PLPPR1: variants seen among roughly 807,000 people sequenced by gnomAD.
PLPPR1 encodes phospholipid phosphatase related 1.
A neutral mutation model predicts 33.1 loss-of-function variants in PLPPR1; 10 were observed. That is an observed-to-expected ratio of 0.30 (90% confidence interval 0.19 to 0.51). The LOEUF is 0.51. Ranked by LOEUF, PLPPR1 falls within the 20% of genes least tolerant of loss-of-function variation. The pLI, the probability that PLPPR1 is intolerant of heterozygous loss-of-function variation, is 0.97. For synonymous variants in PLPPR1, 151 were observed against 151.0 expected (o/e 1.00, Z 0.00); for missense variants, 304 against 408.1 (o/e 0.74, Z 2.20).
chr9:101,122,014 T>C (rs1564150659), intron 1 of PLPPR1, among the ~76,000 whole-genome samples: 1 of 152,200 alleles, frequency 6.6e-6, no homozygotes, highest in Non-Finnish European at 1.5e-5. Context: ...TCCAATACTG[T>C]CTAGAAAGCT....
intron 3 of PLPPR1, among the ~76,000 whole-genome samples, chr9:101,277,057 G>C (rs1303583599): frequency 1.3e-5 from 2 of 152,204 alleles, no homozygotes; most frequent in African/African-American, 4.8e-5. Flanking sequence ...GGAGCATGGA[G>C]ACATTGGCAG....
intron 1 of PLPPR1, among the ~76,000 whole-genome samples, chr9:101,108,866 TAATA>T (rs1360030385): frequency 5.3e-5 from 8 of 152,114 alleles, no homozygotes; most frequent in Non-Finnish European, 7.4e-5. Flanking sequence ...ATTCCTGAAT[TAATA>T]AATATTTTTT....
intron 2 of PLPPR1, among the ~76,000 whole-genome samples, chr9:101,259,785 G>A (rs757630035): frequency 1.3e-5 from 2 of 152,156 alleles, no homozygotes; most frequent in South Asian, 2.1e-4. Flanking sequence ...AAGCAGGGAG[G>A]GGGCTTCCAG....
chr9:101,181,347 T>C (rs1826107123), intron 1 of PLPPR1, among the ~76,000 whole-genome samples: 1 of 150,990 alleles, frequency 6.6e-6, no homozygotes, highest in Non-Finnish European at 1.5e-5. Context: ...AAAAAAATGC[T>C]TGTGCACTGT....
chr9:101,263,690 T>C (rs1827939312), intron 2 of PLPPR1, among the ~76,000 whole-genome samples: 1 of 152,198 alleles, frequency 6.6e-6, no homozygotes, highest in Non-Finnish European at 1.5e-5. Flanking sequence ...GAGATATTTA[T>C]AGTAATCATC....
chr9:101,223,148 C>CAAAA (rs869205435), intron 2 of PLPPR1, among the ~76,000 whole-genome samples: 29 of 23,628 alleles, frequency 1.2e-3, no homozygotes, highest in African/African-American at 2.9e-3. Context: ...CCCATCTCTA[C>CAAAA]AAAAAAAAAA....
chr9:101,052,654 T>C (rs148628238), intron 1 of PLPPR1, among the ~76,000 whole-genome samples: 2 of 152,266 alleles, frequency 1.3e-5, no homozygotes, highest in Admixed American at 1.3e-4. Flanking sequence ...CCAGCAGTAA[T>C]AGAGGACAAG....
chr9:101,224,773 C>T (rs139294092), intron 2 of PLPPR1, among the ~76,000 whole-genome samples: 19 of 152,272 alleles, frequency 1.2e-4, no homozygotes, highest in African/African-American at 3.1e-4. Flanking sequence ...CCCAAAGCTA[C>T]GCACATTAGG....
At chr9:101,127,709 C>T (rs899659314) in intron 1 of PLPPR1, among the ~76,000 whole-genome samples, 4 of 152,260 alleles carry the variant, frequency 2.6e-5, no homozygotes, top group Admixed American at 6.5e-5. Context: ...GGTGTGTCAG[C>T]GTAGCCCTCC....
At chr9:101,314,733 G>A (rs1288402793) in intron 6 of PLPPR1, among the ~76,000 whole-genome samples, 1 of 145,248 alleles carries the variant, frequency 6.9e-6, no homozygotes, top group African/African-American at 2.6e-5. Context: ...GGACAGTGTT[G>A]TCAAAAAGCT....
At chr9:101,300,235 A>G (rs1247884306) in intron 4 of PLPPR1, among the ~76,000 whole-genome samples, 1 of 152,070 alleles carries the variant, frequency 6.6e-6, no homozygotes, top group Non-Finnish European at 1.5e-5. Context: ...GTGCAGTAAC[A>G]TGACCACAGC....
rs1029162609 is a variant in PLPPR1, at chr9:101,324,202, G to A, written c.*145G>A. ...AATGTTTTGTACATTTTTTGTATGA[G>A]GAAGTGATGTAGCTTGCCCTGATTT... On this transcript the variant is annotated 3_prime_UTR_variant, in exon 8 of 8. Coordinates refer to ENST00000374874, the MANE Select transcript of PLPPR1 (RefSeq NM_207299.2). 5.1e-6 allele frequency: 3 copies of A among 586,696 alleles called. No homozygotes were observed. The African/African-American group carries it at 5.7e-5, about 11-fold the overall frequency. 36.3% of individuals were successfully genotyped at this position (586,696 alleles called of 1,614,324 possible).
At chr9:101,204,004 C>G (rs1234334579) in intron 2 of PLPPR1, among the ~76,000 whole-genome samples, 1 of 152,078 alleles carries the variant, frequency 6.6e-6, no homozygotes, top group African/African-American at 2.4e-5. Flanking sequence ...TCAGTGGAAA[C>G]TTTGTGTGGA....
chr9:101,187,688 A>C (rs1588063980), intron 2 of PLPPR1: 1 of 152,072 alleles, frequency 6.6e-6, no homozygotes, highest in East Asian at 1.9e-4. Flanking sequence ...GATATCACAA[A>C]ACTTGGTAAA....
At position 101,129,161 on chromosome 9, in the gene PLPPR1, G is replaced by T. The variant is rs192253207; in HGVS notation, c.-45-56289G>T. 1.8e-3 allele frequency among the ~76,000 whole-genome samples: 270 copies of T among 152,030 alleles called. 4 individuals carry two copies. The highest frequency in any genetic ancestry group is 8.1e-4 in the Non-Finnish European group (55 of 67,992). ...CTCCCATGCCCTCTTGTTCATTATA[G>T]AGCACACTGTAGGGGCCCAAGAGAT... On this transcript the variant is annotated intron_variant, in intron 1 of 7. Coordinates refer to ENST00000374874, the MANE Select transcript of PLPPR1 (RefSeq NM_207299.2).
rs150639429 is a variant in PLPPR1, at chr9:101,178,369, G to A, written c.-45-7081G>A. Among the ~76,000 whole-genome samples, 312 of 152,286 alleles carry A rather than the reference G, an allele frequency of 2.0e-3. 1 individual carries two copies. The highest frequency in any genetic ancestry group is 6.8e-3 in the Middle Eastern group (2 of 294). On this transcript the variant is annotated intron_variant, in intron 1 of 7. Coordinates refer to ENST00000374874, the MANE Select transcript of PLPPR1 (RefSeq NM_207299.2). ...ATGGCATCATTCCTTGGGGTGGCAGGTTGATTATATTGGACCTCTTCCATC... is the reference window on the plus strand; with the variant it reads ...ATGGCATCATTCCTTGGGGTGGCAGATTGATTATATTGGACCTCTTCCATC...
intron 1 of PLPPR1, among the ~76,000 whole-genome samples, chr9:101,063,814 T>C (rs896841861): frequency 1.3e-5 from 2 of 152,126 alleles, no homozygotes; most frequent in African/African-American, 2.4e-5. Context: ...AAGTACCTTG[T>C]TGGTTTTCTT....
chr9:101,244,808 TTTG>T (rs1827555191), intron 2 of PLPPR1, among the ~76,000 whole-genome samples: 1 of 151,798 alleles, frequency 6.6e-6, no homozygotes, highest in Non-Finnish European at 1.5e-5. Flanking sequence ...CCTGGGAAAA[TTTG>T]TTAATATGTA....
chr9:101,210,246 G>T (rs902641850), intron 2 of PLPPR1, among the ~76,000 whole-genome samples: 1 of 152,182 alleles, frequency 6.6e-6, no homozygotes, highest in Non-Finnish European at 1.5e-5. Flanking sequence ...AGAAATTAAT[G>T]TAGCCCCTGC....
Sources: allele counts gnomAD v4.1 joint callset (sites outside exome capture counted in the v4.1 genomes callset), GRCh38; gene constraint gnomAD v4.1.1; transcripts MANE v1.5; gene names NCBI Gene and HGNC (gene_info 2026-07-23, HGNC 2026-07-21).